Variants in TRPM3 observed in about 807,000 individuals in gnomAD.
TRPM3 encodes long transient receptor potential channel 3.
Under a neutral mutation model 181.2 loss-of-function variants are expected in TRPM3, and 77 were observed. That is an observed-to-expected ratio of 0.42 (90% CI 0.35 to 0.51). The LOEUF is 0.51. TRPM3 is among the 20% of genes least tolerant of loss of function. The pLI is 0.01. For synonymous variants in TRPM3, 745 were observed against 796.4 expected (o/e 0.94, Z 1.09); for missense variants, 1,759 against 2,196.7 (o/e 0.80, Z 3.98).
chr9:70,637,467 C>T (rs2057395167), intron 11 of TRPM3, among the ~76,000 whole-genome samples: 1 of 152,006 alleles, frequency 6.6e-6, no homozygotes, highest in African/African-American at 2.4e-5. Flanking sequence ...CCCCACTCCC[C>T]AGTCTTTGGA....
chr9:71,091,119 C>T (rs1464352462), intron 1 of TRPM3, among the ~76,000 whole-genome samples: 1 of 152,112 alleles, frequency 6.6e-6, no homozygotes, highest in Non-Finnish European at 1.5e-5. Context: ...TAAGGAACAA[C>T]TTGAGATCTC....
intron 1 of TRPM3, among the ~76,000 whole-genome samples, chr9:70,979,670 C>A (rs532951620): frequency 1.3e-5 from 2 of 152,290 alleles, no homozygotes; most frequent in Admixed American, 6.5e-5. Context: ...CCACCCCCTA[C>A]CCACACAAAC....
At chr9:71,377,265 T>G (rs2092688949) in intron 1 of TRPM3, among the ~76,000 whole-genome samples, 1 of 152,084 alleles carries the variant, frequency 6.6e-6, no homozygotes, top group Non-Finnish European at 1.5e-5. Context: ...CTAGAATATA[T>G]GGACTTTAAA....
rs546266661 is a variant in TRPM3 at position 70,738,410 on chromosome 9, A to G, written c.1272+23191T>C. Among the ~76,000 whole-genome samples, 11 of 152,298 alleles carry G rather than the reference A, an allele frequency of 7.2e-5. No individual in the cohort carries two copies. In the East Asian group the frequency reaches 1.9e-3, roughly 27 times the overall value. ...ACTTAAAGTATAATAATAAAAAAAA[A>G]TCAAGATGGAAATGTAAAAATTCTT... On this transcript the variant is annotated intron_variant, in intron 8 of 25. Transcript: ENST00000677713.
chr9:70,635,960 C>T lies in TRPM3; in HGVS notation c.1582-699G>A, dbSNP rs113420777. ...TGGGAGAACAAAAGGACCCATTGAC[C>T]GCACTGGAAATACACTTGGGCATTC... On this transcript the variant is annotated intron_variant, in intron 11 of 25. Coordinates refer to ENST00000677713, the MANE Select transcript of TRPM3 (RefSeq NM_001366145.2). 6.2e-3 allele frequency among the ~76,000 whole-genome samples: 944 copies of T among 152,248 alleles called. 13 individuals are homozygous for T. Among genetic ancestry groups the T allele is most frequent in the African/African-American group, 0.021 (882 of 41,538 alleles).
At chr9:70,546,601 TAGTG>T (rs2044971237) in intron 25 of TRPM3, among the ~76,000 whole-genome samples, 1 of 147,072 alleles carries the variant, frequency 6.8e-6, no homozygotes, top group Non-Finnish European at 1.5e-5. Context: ...CATAAAAAGA[TAGTG>T]AGCACAACAT....
At chr9:70,606,561 G>A (rs993399616) in intron 19 of TRPM3, among the ~76,000 whole-genome samples, 65 of 152,062 alleles carry the variant, frequency 4.3e-4, no homozygotes, top group African/African-American at 1.4e-3. Context: ...CCTGGAAGCA[G>A]CCTATCATAG....
At chr9:70,561,945 T>A (rs938842857) in intron 22 of TRPM3, among the ~76,000 whole-genome samples, 1 of 152,200 alleles carries the variant, frequency 6.6e-6, no homozygotes. Context: ...TTTTAACACT[T>A]CCTTAATGTT....
At chr9:70,856,697 G>A (rs2095398043) in intron 3 of TRPM3, among the ~76,000 whole-genome samples, 1 of 152,090 alleles carries the variant, frequency 6.6e-6, no homozygotes, top group Non-Finnish European at 1.5e-5. Flanking sequence ...AGAGCTTTAA[G>A]TGTGAAAATG....
chr9:70,553,010 G>A lies in TRPM3; in HGVS notation c.3408C>T (p.Asn1136=). 2 of 1,614,180 alleles carry A rather than the reference G, an allele frequency of 1.2e-6. No homozygotes were observed. The highest frequency in any genetic ancestry group is 1.7e-6 in the Non-Finnish European group (2 of 1,180,028). The change falls in exon 24 of 26, where the codon AAC becomes AAT. Residue 1136 remains asparagine, a synonymous_variant. Transcript: ENST00000677713. ...GATACCTCTGAAACTTCCAGACTTGGTTGGATATCGATTTTACTTCAAAAA... is the reference window on the plus strand; with the variant it reads ...GATACCTCTGAAACTTCCAGACTTGATTGGATATCGATTTTACTTCAAAAA... ...NTFFEVKSIS[N]QVWKFQRYQL...
Position 71,295,099 on chromosome 9 carries a change from G to A in TRPM3, c.183+151554C>T, listed in dbSNP as rs73649711. ...ATTTAATGCTATTCTTTATGCTCTT[G>A]TTACACACACCTTTGTACATGTGAT... On this transcript the variant is annotated intron_variant, in intron 1 of 24. Coordinates refer to the TRPM3 transcript ENST00000357533. Among the ~76,000 whole-genome samples the A allele has an allele frequency of 3.4e-3, 521 of 152,186 alleles. 3 individuals are homozygous for A. Among genetic ancestry groups the A allele is most frequent in the African/African-American group, 0.012 (502 of 41,534 alleles).
chr9:71,327,632 T>A (rs968436756), intron 1 of TRPM3, among the ~76,000 whole-genome samples: 1 of 152,208 alleles, frequency 6.6e-6, no homozygotes, highest in Non-Finnish European at 1.5e-5. Flanking sequence ...AATGTTTAAA[T>A]AACATAGTCT....
intron 1 of TRPM3, among the ~76,000 whole-genome samples, chr9:71,003,412 T>G (rs1336037431): frequency 1.3e-5 from 2 of 152,018 alleles, no homozygotes; most frequent in Non-Finnish European, 2.9e-5. Context: ...ATGGTTTTTT[T>G]TTTTTTGTAC....
At chr9:70,867,162 G>A (rs2095666576) in intron 1 of TRPM3, among the ~76,000 whole-genome samples, 1 of 151,964 alleles carries the variant, frequency 6.6e-6, no homozygotes, top group East Asian at 1.9e-4. Context: ...ACTCTGCTAT[G>A]TCTTCTTCTT....
At chr9:70,678,451 C>A (rs1379243191) in intron 9 of TRPM3, among the ~76,000 whole-genome samples, 1 of 152,052 alleles carries the variant, frequency 6.6e-6, no homozygotes, top group African/African-American at 2.4e-5. Flanking sequence ...CATTTTTGGA[C>A]AGACACTGGA....
intron 1 of TRPM3, among the ~76,000 whole-genome samples, chr9:71,030,507 G>A (rs2057151767): frequency 6.6e-6 from 1 of 151,744 alleles, no homozygotes; most frequent in Non-Finnish European, 1.5e-5. Context: ...AGAGGTTGCA[G>A]TGAGCCAAGA....
intron 1 of TRPM3, among the ~76,000 whole-genome samples, chr9:71,225,880 C>T (rs2080575390): frequency 6.6e-6 from 1 of 151,764 alleles, no homozygotes; most frequent in Admixed American, 6.6e-5. Context: ...TGCTCTCAAA[C>T]TCCTTACCTC....
chr9:70,828,096 AAG>A (rs1237074841), intron 5 of TRPM3, 78 bp from the exon 6 acceptor site: 1 of 1,383,198 alleles, frequency 7.2e-7, no homozygotes, highest in African/African-American at 1.4e-5. Flanking sequence ...AGACAGAGGA[AAG>A]AGAGGAAGAA....
In TRPM3 at chr9:71,275,883, C is replaced by T. The variant is rs140585555; in HGVS notation, c.183+170770G>A. Among the ~76,000 whole-genome samples the T allele has an allele frequency of 4.9e-3, 737 of 151,600 alleles. 6 individuals are homozygous for T. Among genetic ancestry groups the T allele is most frequent in the African/African-American group, 0.017 (709 of 41,310 alleles). ...TTGAGACAGAGTCTTGCTCTTTCAC[C>T]CAGGCTGGAGTGCTGTGGCGTGATC... is the stretch of plus-strand genomic sequence containing the variant. On this transcript the variant is annotated intron_variant, in intron 1 of 24. Transcript: ENST00000357533.
Sources: allele counts gnomAD v4.1 joint callset (sites outside exome capture counted in the v4.1 genomes callset), GRCh38; gene constraint gnomAD v4.1.1; transcripts MANE v1.5; gene names NCBI Gene and HGNC (gene_info 2026-07-23, HGNC 2026-07-21).